OR4N2: variants seen among roughly 807,000 people sequenced by gnomAD.
OR4N2 encodes the protein olfactory receptor 4N2.
For synonymous variants in OR4N2, 141 were observed against 140.4 expected (o/e 1.00, Z -0.03); for missense variants, 307 against 377.6 (o/e 0.81, Z 1.55).
At chr14:19,825,927 A>G (rs1386833141) in intron 1 of OR4N2, among the ~76,000 whole-genome samples, 1 of 152,236 alleles carries the variant, frequency 6.6e-6, no homozygotes, top group Non-Finnish European at 1.5e-5. Context: ...TTTATATTAC[A>G]GTTTGTATTT....
intron 1 of OR4N2, among the ~76,000 whole-genome samples, chr14:19,810,935 G>T (rs1879280087): frequency 1.3e-5 from 2 of 152,190 alleles, no homozygotes; most frequent in African/African-American, 4.8e-5. Context: ...GCCAAAACTG[G>T]CACATCAAGA....
At chr14:19,805,356 A>G (rs1182192802) in intron 1 of OR4N2, among the ~76,000 whole-genome samples, 2 of 152,214 alleles carry the variant, frequency 1.3e-5, no homozygotes, top group Non-Finnish European at 2.9e-5. Context: ...CAGCAAAATG[A>G]CAGAAGAGCT....
chr14:19,814,014 A>G (rs1268122566), intron 1 of OR4N2, among the ~76,000 whole-genome samples: 1 of 151,982 alleles, frequency 6.6e-6, no homozygotes, highest in Non-Finnish European at 1.5e-5. Flanking sequence ...TTGAAATGTA[A>G]AATAAATTAG....
At chr14:19,814,805 A>AG (rs1438421546) in intron 1 of OR4N2, among the ~76,000 whole-genome samples, 4 of 152,200 alleles carry the variant, frequency 2.6e-5, no homozygotes, top group Non-Finnish European at 5.9e-5. Context: ...ATTTCTCCTA[A>AG]TGCTATCCTT....
At chr14:19,825,913 T>C (rs758529207) in intron 1 of OR4N2, among the ~76,000 whole-genome samples, 1 of 152,236 alleles carries the variant, frequency 6.6e-6, no homozygotes, top group Non-Finnish European at 1.5e-5. Context: ...ATTAAGAATA[T>C]CCTTTTATAT....
At chr14:19,824,148 C>T (rs1445638213) in intron 1 of OR4N2, among the ~76,000 whole-genome samples, 4 of 152,192 alleles carry the variant, frequency 2.6e-5, no homozygotes, top group African/African-American at 9.7e-5. Flanking sequence ...TACTAATTTG[C>T]CTAAAATAGA....
chr14:19,822,000 C>T (rs1431485298), intron 1 of OR4N2: 5 of 152,230 alleles, frequency 3.3e-5, no homozygotes, highest in African/African-American at 1.2e-4. Context: ...TGGAGCTCTT[C>T]ATATATATAC....
intron 1 of OR4N2, among the ~76,000 whole-genome samples, chr14:19,820,581 T>G (rs1408393879): frequency 6.6e-6 from 1 of 152,230 alleles, no homozygotes; most frequent in Non-Finnish European, 1.5e-5. Context: ...CTTTTATCTA[T>G]AAGCCCCTGA....
At chr14:19,821,129 G>A (rs901389280) in intron 1 of OR4N2, among the ~76,000 whole-genome samples, 1 of 152,264 alleles carries the variant, frequency 6.6e-6, no homozygotes, top group Non-Finnish European at 1.5e-5. Context: ...ATCTGAATCA[G>A]AATGCACCTT....
rs763288641 is a variant in OR4N2 at position 19,828,394 on chromosome 14, G to A, written c.*22G>A. 197 of 1,329,068 alleles carry A rather than the reference G, an allele frequency of 1.5e-4. No individual in the cohort carries two copies. Among genetic ancestry groups the A allele is most frequent in the Non-Finnish European group, 2.0e-4 (189 of 958,290 alleles). The allele number at this position is 1,329,068 out of a possible 1,614,324, so 82.3% of individuals were successfully genotyped here. A position where few individuals can be genotyped will look rare whatever the true frequency, so the allele number is the denominator to read the frequency against. ...CTGAAAAAGGGCGCAAAAAAAAAAA[G>A]AATAAAAATAGACTGTAGAATTTTA... On this transcript the variant is annotated 3_prime_UTR_variant, in exon 2 of 2. Coordinates refer to ENST00000557677, the MANE Select transcript of OR4N2 (RefSeq NM_001004723.3).
chr14:19,825,505 C>T (rs937166007), intron 1 of OR4N2, among the ~76,000 whole-genome samples: 30 of 152,092 alleles, frequency 2.0e-4, no homozygotes, highest in Admixed American at 1.6e-3. Flanking sequence ...CCCTTCCTTC[C>T]GCACCCCATG....
intron 1 of OR4N2, among the ~76,000 whole-genome samples, chr14:19,821,669 A>G (rs1879569944): frequency 6.6e-6 from 1 of 152,254 alleles, no homozygotes; most frequent in Non-Finnish European, 1.5e-5. Context: ...TTGTTTTAGA[A>G]CTAGAAAGTA....
chr14:19,817,555 A>G (rs1285821563), intron 1 of OR4N2, among the ~76,000 whole-genome samples: 3 of 152,090 alleles, frequency 2.0e-5, no homozygotes, highest in African/African-American at 7.2e-5. Context: ...ATCATTTTCT[A>G]TTGTGTCTAT....
chr14:19,821,919 TTAGTCTTAC>T (rs1431596226), intron 1 of OR4N2: 1 of 152,280 alleles, frequency 6.6e-6, no homozygotes, highest in African/African-American at 2.4e-5. Flanking sequence ...GCAAAACTGG[TTAGTCTTAC>T]TAGGAGAGGG....
chr14:19,811,505 C>T (rs182690826), intron 1 of OR4N2, among the ~76,000 whole-genome samples: 498 of 152,334 alleles, frequency 3.3e-3, no homozygotes, highest in African/African-American at 0.011. Flanking sequence ...CTAGGCCCCC[C>T]AAAGTGCTGG....
rs34020966 is a variant in OR4N2 at position 19,813,841 on chromosome 14, CT to C, written c.-10+10011del. Among the ~76,000 whole-genome samples, 266 of 146,056 alleles carry C rather than the reference CT, an allele frequency of 1.8e-3. 2 individuals carry two copies. The highest frequency in any genetic ancestry group is 4.5e-3 in the South Asian group (21 of 4,700). On this transcript the variant is annotated intron_variant, in intron 1 of 1. Transcript: ENST00000557677. ...GACTAGTATCTCTCTGTTTCTTCAC[CT>C]TTTTTTTTTTTTTAAGTCATACAAC... is the stretch of plus-strand genomic sequence containing the variant.
chr14:19,825,135 G>A (rs1167299542), intron 1 of OR4N2, among the ~76,000 whole-genome samples: 3 of 152,254 alleles, frequency 2.0e-5, no homozygotes, highest in Non-Finnish European at 2.9e-5. Flanking sequence ...AATTTTGTGT[G>A]TGTTTGTATG....
At chr14:19,812,961 T>C (rs1347123653) in intron 1 of OR4N2, among the ~76,000 whole-genome samples, 1 of 152,258 alleles carries the variant, frequency 6.6e-6, no homozygotes, top group Admixed American at 6.5e-5. Flanking sequence ...ATACTTTTCA[T>C]TGTAAAATTA....
At chr14:19,808,584 G>T (rs1879221919) in intron 1 of OR4N2, among the ~76,000 whole-genome samples, 1 of 152,072 alleles carries the variant, frequency 6.6e-6, no homozygotes, top group East Asian at 1.9e-4. Context: ...TGACAGAAAT[G>T]AATGGAAAAA....
Sources: allele counts gnomAD v4.1 joint callset (sites outside exome capture counted in the v4.1 genomes callset), GRCh38; gene constraint gnomAD v4.1.1; transcripts MANE v1.5; gene names NCBI Gene and HGNC (gene_info 2026-07-23, HGNC 2026-07-21).